PDE4D: variants seen among roughly 807,000 people sequenced by gnomAD.
PDE4D encodes phosphodiesterase 4D.
Under a neutral mutation model 87.4 loss-of-function variants are expected in PDE4D, and 24 were observed. The ratio of observed to expected loss-of-function variants is 0.27; its 90% CI spans 0.20 to 0.39. PDE4D has a LOEUF of 0.39. Among genes scored for constraint, PDE4D ranks in the 10% least tolerant of loss-of-function variants. The pLI is 1.00. For missense variants in PDE4D, 714 were observed against 1,041.0 expected, an observed-to-expected ratio of 0.69 and a Z score of 4.32; for synonymous variants, 384 against 383.2, an observed-to-expected ratio of 1.00 and a Z score of -0.02.
chr5:59,116,934 G>C (rs1261125629), intron 5 of PDE4D, among the ~76,000 whole-genome samples: 1 of 152,180 alleles, frequency 6.6e-6, no homozygotes, highest in Admixed American at 6.5e-5. Flanking sequence ...ATGAGAGGTT[G>C]CTTTAGGCAC....
At chr5:59,045,862 A>T (rs1322850399) in intron 5 of PDE4D, among the ~76,000 whole-genome samples, 1 of 152,236 alleles carries the variant, frequency 6.6e-6, no homozygotes, top group Non-Finnish European at 1.5e-5. Context: ...ATCTTTGACC[A>T]TATTAAGAAT....
At chr5:59,650,283 T>A (rs1166492620) in intron 1 of PDE4D, among the ~76,000 whole-genome samples, 1 of 152,176 alleles carries the variant, frequency 6.6e-6, no homozygotes, top group Non-Finnish European at 1.5e-5. Context: ...CTAATGTTTA[T>A]GGTAGTCAAT....
In PDE4D at chr5:60,322,371, C is replaced by T. The variant is rs1463147837; in HGVS notation, c.-89-136684G>A. ...TTGAATATATATGGACACACATACA[C>T]ACACACACACACACACACACACACA... On this transcript the variant is annotated intron_variant, in intron 1 of 16. Coordinates refer to the PDE4D transcript ENST00000502484. Among the ~76,000 whole-genome samples, 23 of 64,318 alleles carry T rather than the reference C, an allele frequency of 3.6e-4. No homozygotes were observed. In the South Asian group the frequency reaches 6.9e-3, roughly 19 times the overall value. The allele number at this position is 64,318 out of a possible 152,430, so 42.2% of individuals were successfully genotyped here. A position where few individuals can be genotyped will look rare whatever the true frequency, so the allele number is the denominator to read the frequency against.
chr5:59,686,506 T>C (rs1259393535), intron 1 of PDE4D, among the ~76,000 whole-genome samples: 3 of 152,178 alleles, frequency 2.0e-5, no homozygotes, highest in Non-Finnish European at 4.4e-5. Context: ...ATATATATCA[T>C]TACCAGTACT....
At chr5:60,320,925 T>A (rs1008615833) in intron 1 of PDE4D, among the ~76,000 whole-genome samples, 1 of 152,048 alleles carries the variant, frequency 6.6e-6, no homozygotes, top group African/African-American at 2.4e-5. Context: ...ATAAAAAAAA[T>A]TCAACCATCA....
chr5:59,172,325 T>G (rs1783118079), intron 5 of PDE4D, among the ~76,000 whole-genome samples: 2 of 130,608 alleles, frequency 1.5e-5, no homozygotes. Context: ...ATAAAATATA[T>G]AATATATAAT....
chr5:58,979,509 G>A (rs1452392801), intron 11 of PDE4D, among the ~76,000 whole-genome samples: 1 of 152,112 alleles, frequency 6.6e-6, no homozygotes, highest in South Asian at 2.1e-4. Context: ...TAAATTGGGA[G>A]GTAGGAGTCT....
chr5:59,371,763 T>C (rs1783975850), intron 1 of PDE4D, among the ~76,000 whole-genome samples: 1 of 152,222 alleles, frequency 6.6e-6, no homozygotes, highest in Non-Finnish European at 1.5e-5. Flanking sequence ...GAGACACAGT[T>C]ATGAGTCAAC....
intron 1 of PDE4D, among the ~76,000 whole-genome samples, chr5:60,188,809 C>G (rs575540056): frequency 5.3e-5 from 8 of 152,284 alleles, no homozygotes; most frequent in African/African-American, 1.4e-4. Flanking sequence ...ATGGCAGAAC[C>G]AGTATTCACA....
intron 1 of PDE4D, among the ~76,000 whole-genome samples, chr5:59,875,436 C>T (rs1009739961): frequency 8.3e-6 from 1 of 120,154 alleles, no homozygotes; most frequent in Non-Finnish European, 1.6e-5. Flanking sequence ...ACTCCAGCCT[C>T]GTGACCAAGT....
At chr5:60,087,050 A>G (rs1774610167) in intron 2 of PDE4D, among the ~76,000 whole-genome samples, 1 of 152,238 alleles carries the variant, frequency 6.6e-6, no homozygotes, top group Admixed American at 6.5e-5. Flanking sequence ...TGTCTTTACC[A>G]GACTGGGAAA....
intron 1 of PDE4D, among the ~76,000 whole-genome samples, chr5:59,358,245 A>G (rs933181560): frequency 6.6e-6 from 1 of 152,206 alleles, no homozygotes; most frequent in African/African-American, 2.4e-5. Flanking sequence ...CTTTCTTATC[A>G]GACATGAGCT....
chr5:60,482,750 A>T (rs1296078468), intron 1 of PDE4D, among the ~76,000 whole-genome samples: 1 of 152,210 alleles, frequency 6.6e-6, no homozygotes, highest in Non-Finnish European at 1.5e-5. Flanking sequence ...TCTAATAAGG[A>T]TATCTAAAGC....
intron 3 of PDE4D, among the ~76,000 whole-genome samples, chr5:59,924,515 G>A (rs762480568): frequency 6.0e-5 from 9 of 150,384 alleles, no homozygotes; most frequent in East Asian, 3.9e-4. Context: ...ATATAGTGGC[G>A]CTCCAAAATG....
At chr5:59,928,329 G>A (rs765240887) in intron 3 of PDE4D, among the ~76,000 whole-genome samples, 53 of 152,170 alleles carry the variant, frequency 3.5e-4, no homozygotes, top group Non-Finnish European at 6.6e-4. Context: ...AAGGAAGAAA[G>A]TAATAGGGGA....
At chr5:59,358,114 A>G (rs1338401361) in intron 1 of PDE4D, among the ~76,000 whole-genome samples, 1 of 152,220 alleles carries the variant, frequency 6.6e-6, no homozygotes, top group African/African-American at 2.4e-5. Flanking sequence ...AAAGCTCAAG[A>G]CATTAAACAT....
chr5:59,434,044 A>T (rs1255166321), intron 1 of PDE4D, among the ~76,000 whole-genome samples: 3 of 148,242 alleles, frequency 2.0e-5, no homozygotes, highest in African/African-American at 5.0e-5. Flanking sequence ...CATCTTTAGG[A>T]TGTTCCTAAA....
chr5:58,977,399 T>A, intron 11 of PDE4D, 54 bp from the exon 12 acceptor site: 1 of 1,529,494 alleles, frequency 6.5e-7, no homozygotes, highest in South Asian at 1.2e-5. Context: ...GAGAAGTTTA[T>A]CTGATTCTTA....
intron 1 of PDE4D, among the ~76,000 whole-genome samples, chr5:59,876,855 T>C (rs1056281640): frequency 1.6e-4 from 24 of 152,188 alleles, no homozygotes; most frequent in African/African-American, 5.5e-4. Flanking sequence ...GGAAAATTAC[T>C]GTTGCATACT....
Sources: gnomAD v4.1 joint callset for allele counts (sites outside exome capture counted in the v4.1 genomes callset) on GRCh38, gnomAD v4.1.1 for gene constraint, MANE v1.5 for transcripts, NCBI Gene and HGNC (gene_info 2026-07-23, HGNC 2026-07-21) for gene names.